The following OPCML variants were observed in gnomAD, a reference collection of about 807,000 sequenced individuals.
OPCML encodes opioid-binding protein/cell adhesion molecule.
OPCML carries 13 observed loss-of-function variants against 37.8 expected under a neutral mutation model. That is an observed-to-expected ratio of 0.34 (90% confidence interval 0.22 to 0.55). The LOEUF (loss-of-function observed/expected upper bound fraction) is 0.55, where lower values mean the gene tolerates loss of function less well. Ranked by LOEUF, OPCML falls within the 20% of genes least tolerant of loss-of-function variation. OPCML has a pLI of 0.91. For synonymous variants in OPCML, 176 were observed against 168.8 expected (o/e 1.04, Z -0.33); for missense variants, 341 against 435.6 (o/e 0.78, Z 1.93).
At chr11:132,576,126 G>C (rs1040425282) in intron 3 of OPCML, among the ~76,000 whole-genome samples, 5 of 151,334 alleles carry the variant, frequency 3.3e-5, no homozygotes, top group African/African-American at 1.2e-4. Context: ...AATGTTTATT[G>C]GTGCTAGAAT....
intron 1 of OPCML, among the ~76,000 whole-genome samples, chr11:133,330,198 G>C (rs894257641): frequency 3.3e-5 from 5 of 152,324 alleles, no homozygotes; most frequent in South Asian, 2.1e-4. Context: ...AGGTGCTGGA[G>C]AGGATGTGGA....
intron 1 of OPCML, among the ~76,000 whole-genome samples, chr11:132,992,074 ATT>A (rs1297642130): frequency 6.6e-6 from 1 of 152,138 alleles, no homozygotes; most frequent in East Asian, 1.9e-4. Flanking sequence ...TGATGAAGCC[ATT>A]GTATTGATGA....
chr11:132,762,161 C>T (rs538493330), intron 2 of OPCML, among the ~76,000 whole-genome samples: 9 of 152,230 alleles, frequency 5.9e-5, no homozygotes, highest in Non-Finnish European at 1.3e-4. Flanking sequence ...GCGAAGATTG[C>T]TGCCTGCTCC....
At chr11:132,628,564 C>A (rs189521699) in intron 3 of OPCML, among the ~76,000 whole-genome samples, 13 of 152,190 alleles carry the variant, frequency 8.5e-5, no homozygotes, top group Admixed American at 7.8e-4. Flanking sequence ...AATCTAGAGG[C>A]CACAGCTTCA....
At chr11:132,529,587 A>G (rs1346027599) in intron 3 of OPCML, among the ~76,000 whole-genome samples, 1 of 152,206 alleles carries the variant, frequency 6.6e-6, no homozygotes, top group African/African-American at 2.4e-5. Flanking sequence ...CCTCAGCCTC[A>G]AGCCTTCCCC....
intron 2 of OPCML, among the ~76,000 whole-genome samples, chr11:132,804,076 T>C (rs901497102): frequency 6.6e-6 from 1 of 152,134 alleles, no homozygotes; most frequent in Admixed American, 6.5e-5. Context: ...TCAAATATAA[T>C]TGTCTTCGGT....
intron 1 of OPCML, among the ~76,000 whole-genome samples, chr11:133,165,137 G>A (rs1389069082): frequency 6.6e-6 from 1 of 152,214 alleles, no homozygotes; most frequent in East Asian, 1.9e-4. Flanking sequence ...AGTGAGCCGA[G>A]CCACAGTCCA....
intron 1 of OPCML, among the ~76,000 whole-genome samples, chr11:133,330,053 A>G (rs1296750966): frequency 6.6e-6 from 1 of 152,266 alleles, no homozygotes; most frequent in East Asian, 1.9e-4. Context: ...TCAAAAGAAG[A>G]CATTTATGCA....
chr11:133,513,808 A>T (rs866955832), intron 1 of OPCML, among the ~76,000 whole-genome samples: 19 of 152,190 alleles, frequency 1.2e-4, no homozygotes, highest in African/African-American at 4.3e-4. Flanking sequence ...TTTTATCTAA[A>T]CTAAATTTGG....
At chr11:133,428,704 A>C (rs954501868) in intron 1 of OPCML, among the ~76,000 whole-genome samples, 1 of 152,194 alleles carries the variant, frequency 6.6e-6, no homozygotes, top group Non-Finnish European at 1.5e-5. Flanking sequence ...ATAAATGAAG[A>C]GGCATACTAC....
chr11:133,324,684 C>T lies in OPCML; in HGVS notation c.61+207580G>A, dbSNP rs1943408627. On this transcript the variant is annotated intron_variant, in intron 1 of 7. Coordinates refer to ENST00000524381, the MANE Select transcript of OPCML (RefSeq NM_001012393.5). ...GCAGGCCTTGTTCCTCTGCTATGGG[C>T]AGGGCTAAATTGTCACCAATCAGGC... Among the ~76,000 whole-genome samples, 5 of 152,228 alleles carry T rather than the reference C, an allele frequency of 3.3e-5. No individual in the cohort carries two copies. In the South Asian group the frequency reaches 6.2e-4, roughly 19 times the overall value.
intron 1 of OPCML, among the ~76,000 whole-genome samples, chr11:133,010,770 G>C (rs1352411573): frequency 6.6e-6 from 1 of 152,166 alleles, no homozygotes; most frequent in Non-Finnish European, 1.5e-5. Context: ...CGAGAAGCTA[G>C]AATTATGAGC....
At chr11:133,387,442 C>T (rs972321108) in intron 1 of OPCML, among the ~76,000 whole-genome samples, 1 of 152,190 alleles carries the variant, frequency 6.6e-6, no homozygotes, top group Admixed American at 6.5e-5. Context: ...TCTCCCTGGA[C>T]CTGACTGCTT....
chr11:132,959,706 A>G (rs1015679739), intron 1 of OPCML, among the ~76,000 whole-genome samples: 2 of 152,196 alleles, frequency 1.3e-5, no homozygotes, highest in African/African-American at 4.8e-5. Context: ...ACACAATACA[A>G]TACTACTATA....
intron 3 of OPCML, among the ~76,000 whole-genome samples, chr11:132,654,704 A>C (rs1205181303): frequency 2.0e-5 from 3 of 151,320 alleles, no homozygotes; most frequent in Admixed American, 1.3e-4. Flanking sequence ...TCCCCAAAAG[A>C]AGATCTTCCC....
At chr11:132,836,148 A>G (rs911345996) in intron 2 of OPCML, among the ~76,000 whole-genome samples, 30 of 152,216 alleles carry the variant, frequency 2.0e-4, no homozygotes, top group Admixed American at 1.6e-3. Context: ...CAGGGAACTT[A>G]GGCAGACATA....
At chr11:133,278,853 T>C (rs975281163) in intron 1 of OPCML, among the ~76,000 whole-genome samples, 5 of 152,224 alleles carry the variant, frequency 3.3e-5, no homozygotes, top group African/African-American at 1.2e-4. Flanking sequence ...CCATGAAGTC[T>C]ATAAAGTCTA....
At chr11:132,646,807 G>A (rs977279481) in intron 3 of OPCML, among the ~76,000 whole-genome samples, 34 of 152,100 alleles carry the variant, frequency 2.2e-4, no homozygotes, top group African/African-American at 8.0e-4. Flanking sequence ...GATTCCTAAG[G>A]GATACCCAAG....
intron 2 of OPCML, among the ~76,000 whole-genome samples, chr11:132,884,963 G>A (rs960939085): frequency 6.6e-6 from 1 of 152,098 alleles, no homozygotes; most frequent in Non-Finnish European, 1.5e-5. Flanking sequence ...GGAAGGAGAG[G>A]AATTAGAGCC....
Sources: allele counts gnomAD v4.1 joint callset (sites outside exome capture counted in the v4.1 genomes callset), GRCh38; gene constraint gnomAD v4.1.1; transcripts MANE v1.5; gene names NCBI Gene and HGNC (gene_info 2026-07-23, HGNC 2026-07-21).